FRMPD1: variants seen among roughly 807,000 people sequenced by gnomAD.
The protein encoded by FRMPD1 is FERM and PDZ domain-containing protein 1.
FRMPD1 carries 76 observed loss-of-function variants against 117.8 expected under a neutral mutation model. The observed-to-expected ratio is 0.65, with a 90% CI of 0.54 to 0.78. The LOEUF (loss-of-function observed/expected upper bound fraction) is 0.78. Among genes scored for constraint, FRMPD1 ranks in the 30% least tolerant of loss-of-function variants. FRMPD1 has a pLI of 0.00. For synonymous variants in FRMPD1, 783 were observed against 770.4 expected (o/e 1.02, Z -0.27); for missense variants, 1,786 against 1,964.5 (o/e 0.91, Z 1.72).
At chr9:37,658,579 G>A (rs910929835) in intron 1 of FRMPD1, among the ~76,000 whole-genome samples, 2 of 152,118 alleles carry the variant, frequency 1.3e-5, no homozygotes, top group African/African-American at 4.8e-5. Flanking sequence ...AGTCTCTAAG[G>A]GGAATCCTTC....
At chr9:37,680,869 G>A (rs1275598505) in intron 1 of FRMPD1, among the ~76,000 whole-genome samples, 1 of 152,120 alleles carries the variant, frequency 6.6e-6, no homozygotes, top group African/African-American at 2.4e-5. Context: ...GAAGATGGAG[G>A]AGGAAGAAGA....
upstream of FRMPD1, among the ~76,000 whole-genome samples, chr9:37,647,468 C>T (rs1225575027): frequency 1.3e-5 from 2 of 149,374 alleles, no homozygotes; most frequent in African/African-American, 5.0e-5. Flanking sequence ...GCCGAGATCG[C>T]GCCACTGCAC....
At chr9:37,650,519 AG>A (rs1820635676), upstream of FRMPD1, among the ~76,000 whole-genome samples, 1 of 151,456 alleles carries the variant, frequency 6.6e-6, no homozygotes, top group South Asian at 2.1e-4. Context: ...CGTGGGGGTC[AG>A]GGGGCGAGTC....
intron 5 of FRMPD1, among the ~76,000 whole-genome samples, chr9:37,713,675 G>A (rs1369568838): frequency 6.6e-6 from 1 of 151,894 alleles, no homozygotes; most frequent in Admixed American, 6.6e-5. Flanking sequence ...TATATATAGT[G>A]TGTGTGTGTA....
intron 15 of FRMPD1, among the ~76,000 whole-genome samples, chr9:37,742,620 C>T (rs1563963954): frequency 4.6e-5 from 7 of 152,164 alleles, no homozygotes; most frequent in Admixed American, 3.9e-4. Flanking sequence ...TAGATTTGGC[C>T]GGGCGCAGTG....
In FRMPD1 at chr9:37,745,596, C is replaced by A. The variant is rs753000601; in HGVS notation, c.3564C>A (p.Pro1188=). 3 of 1,614,154 alleles carry A rather than the reference C, an allele frequency of 1.9e-6. No individual in the cohort carries two copies. The highest frequency in any genetic ancestry group is 2.5e-6 in the Non-Finnish European group (3 of 1,180,012). Reference sequence around the variant, plus strand: ...ACCCTCAAGGACAGAGCAGAGAACCCCCAGGGCAAGGCTGCCAGGCTCAAG... The same window carrying A: ...ACCCTCAAGGACAGAGCAGAGAACCACCAGGGCAAGGCTGCCAGGCTCAAG... ...PRDPQGQSRE[P]PGQGCQAQEQ... is the part of the protein sequence containing the mutation. The change falls in exon 16 of 16, where the codon CCC becomes CCA. Residue 1188 remains proline (P), a synonymous_variant. Transcript: ENST00000377765.
the FRMPD1 span, among the ~76,000 whole-genome samples, chr9:37,603,957 G>GA: frequency 6.6e-6 from 1 of 152,168 alleles, no homozygotes; most frequent in Non-Finnish European, 1.5e-5. Flanking sequence ...GGGATTACAG[G>GA]AGTGAGCCTG....
chr9:37,696,034 C>G (rs1284461009), intron 2 of FRMPD1, among the ~76,000 whole-genome samples: 1 of 145,348 alleles, frequency 6.9e-6, no homozygotes, highest in African/African-American at 2.6e-5. Context: ...CCTTGCTCAC[C>G]GTTCTCCATT....
the FRMPD1 span, among the ~76,000 whole-genome samples, chr9:37,637,967 T>TCTTTCTTTCTTTCTTTCTTTCTTTCTTTC: frequency 1.1e-4 from 6 of 55,462 alleles, 1 homozygote; most frequent in African/African-American, 4.3e-4. Flanking sequence ...GTGTATGCTT[T>TCTTTCTTTCTTTCTTTCTTTCTTTCTTTC]CTTTCTTTCT....
the FRMPD1 span, among the ~76,000 whole-genome samples, chr9:37,642,586 G>T: frequency 1.3e-5 from 2 of 152,106 alleles, no homozygotes; most frequent in Non-Finnish European, 2.9e-5. Context: ...CAAATATTAG[G>T]TCTCAATAAA....
At chr9:37,700,846 T>A (rs1286389243) in intron 2 of FRMPD1, among the ~76,000 whole-genome samples, 1 of 152,234 alleles carries the variant, frequency 6.6e-6, no homozygotes, top group Non-Finnish European at 1.5e-5. Flanking sequence ...CTCACATTTA[T>A]GGTTTGAAAC....
At chr9:37,608,847 T>C in the FRMPD1 span, among the ~76,000 whole-genome samples, 1 of 152,244 alleles carries the variant, frequency 6.6e-6, no homozygotes, top group Non-Finnish European at 1.5e-5. Context: ...ATGGATTGTC[T>C]TGTTTAATCC....
At chr9:37,625,949 G>A in the FRMPD1 span, among the ~76,000 whole-genome samples, 3 of 152,252 alleles carry the variant, frequency 2.0e-5, no homozygotes, top group Non-Finnish European at 4.4e-5. Context: ...AGGGCCGGGA[G>A]CGGCGGCTCA....
intron 2 of FRMPD1, among the ~76,000 whole-genome samples, chr9:37,700,736 G>T (rs1335221884): frequency 6.6e-6 from 1 of 152,146 alleles, no homozygotes; most frequent in Non-Finnish European, 1.5e-5. Flanking sequence ...TAACATGTTT[G>T]TTCTGGTTCT....
chr9:37,674,519 G>T (rs1254570561), intron 1 of FRMPD1, among the ~76,000 whole-genome samples: 1 of 152,028 alleles, frequency 6.6e-6, no homozygotes, highest in Non-Finnish European at 1.5e-5. Context: ...CACATTTTGG[G>T]GTATCTTTTC....
the FRMPD1 span, among the ~76,000 whole-genome samples, chr9:37,607,274 C>T: frequency 6.6e-6 from 1 of 152,082 alleles, no homozygotes; most frequent in African/African-American, 2.4e-5. Context: ...CAGGATCACA[C>T]CACTGCACTC....
intron 2 of FRMPD1, among the ~76,000 whole-genome samples, chr9:37,697,468 G>A (rs1471856811): frequency 1.3e-5 from 2 of 151,936 alleles, no homozygotes; most frequent in African/African-American, 4.8e-5. Flanking sequence ...TCAGGAGGCT[G>A]AGGCAGGAGA....
Position 37,740,669 on chromosome 9 carries a change from C to G in FRMPD1, c.2141C>G (p.Ser714Cys), listed in dbSNP as rs763201136. The G allele has an allele frequency of 6.2e-7, 1 of 1,614,146 alleles. No individual in the cohort carries two copies. Among genetic ancestry groups the G allele is most frequent in the South Asian group, 1.1e-5 (1 of 91,080 alleles). ...TACTACAGCCTGTGTTCCAGTGTCT[C>G]CCCGGCCAGCTACCTGAGTGACAGT... ...ADYYSLCSSV[S>C]PASYLSDSSE... The change falls in exon 15 of 16, where the codon TCC (serine) becomes TGC (cysteine). Residue 714 changes from serine to cysteine, a missense_variant. Ser to Cys is a moderately radical substitution (Grantham distance 112, BLOSUM62 -1). Coordinates refer to ENST00000377765, the MANE Select transcript of FRMPD1 (RefSeq NM_014907.3). This position sits in a 1 kb window ranked among gnomAD's most constrained non-coding sequence, Gnocchi z 4.2.
At chr9:37,737,823 T>TG (rs1824204271) in intron 14 of FRMPD1, among the ~76,000 whole-genome samples, 1 of 106,306 alleles carries the variant, frequency 9.4e-6, no homozygotes, top group African/African-American at 3.6e-5. Context: ...AACTCCATCT[T>TG]AAAAAAAAAA....
Sources: gnomAD v4.1 joint callset for allele counts (sites outside exome capture counted in the v4.1 genomes callset) on GRCh38, gnomAD v4.1.1 for gene constraint, Gnocchi (gnomAD v3.1) non-coding constraint, MANE v1.5 for transcripts, NCBI Gene and HGNC (gene_info 2026-07-23, HGNC 2026-07-21) for gene names.